DTNA: variants seen among roughly 807,000 people sequenced by gnomAD.
DTNA encodes dystrobrevin alpha, also known as dystrophin-related protein 3.
In DTNA, 43 loss-of-function variants were observed where a neutral mutation model predicts 100.7. The observed-to-expected ratio is 0.43, with a 90% confidence interval of 0.33 to 0.55. The LOEUF is 0.55. DTNA is among the 20% of genes least tolerant of loss of function. DTNA has a pLI of 0.04. For synonymous variants in DTNA, 349 were observed against 347.9 expected, an observed-to-expected ratio of 1.00 and a Z score of -0.04; for missense variants, 798 against 953.9, an observed-to-expected ratio of 0.84 and a Z score of 2.15.
intron 1 of DTNA, among the ~76,000 whole-genome samples, chr18:34,559,901 G>A (rs1044341256): frequency 2.0e-5 from 3 of 152,142 alleles, no homozygotes; most frequent in African/African-American, 7.2e-5. Context: ...AAATTATGAA[G>A]TGCTTGAAAT....
intron 1 of DTNA, among the ~76,000 whole-genome samples, chr18:34,641,909 A>G (rs2059322331): frequency 6.6e-6 from 1 of 152,188 alleles, no homozygotes; most frequent in Admixed American, 6.5e-5. Flanking sequence ...CCAAGAGTTT[A>G]AAAGTAATCC....
intron 3 of DTNA, among the ~76,000 whole-genome samples, chr18:34,766,964 T>C (rs1423203352): frequency 1.3e-5 from 2 of 152,128 alleles, no homozygotes; most frequent in Non-Finnish European, 2.9e-5. Context: ...AGATCACTAG[T>C]AACAATGAGC....
intron 1 of DTNA, among the ~76,000 whole-genome samples, chr18:34,576,711 A>T (rs1024692143): frequency 5.3e-5 from 8 of 152,104 alleles, no homozygotes; most frequent in African/African-American, 1.9e-4. Context: ...TGCCTGCCTC[A>T]GCCTCCCGAA....
intron 1 of DTNA, among the ~76,000 whole-genome samples, chr18:34,725,101 T>C (rs1482533314): frequency 6.6e-6 from 1 of 152,102 alleles, no homozygotes; most frequent in Non-Finnish European, 1.5e-5. Flanking sequence ...TAACTCAAGA[T>C]GGATTAAAGA....
intron 1 of DTNA, among the ~76,000 whole-genome samples, chr18:34,590,436 T>G: frequency 6.6e-6 from 1 of 152,206 alleles, no homozygotes; most frequent in East Asian, 1.9e-4. Context: ...GAATACTGCC[T>G]GTCCTAATCC....
intron 1 of DTNA, among the ~76,000 whole-genome samples, chr18:34,632,121 A>C (rs1372116312): frequency 6.6e-6 from 1 of 152,208 alleles, no homozygotes. Context: ...AATTAAATTA[A>C]TAGAATTTAA....
chr18:34,640,076 T>A (rs1447168501), intron 1 of DTNA, among the ~76,000 whole-genome samples: 1 of 152,236 alleles, frequency 6.6e-6, no homozygotes, highest in Non-Finnish European at 1.5e-5. Flanking sequence ...TGATGCAAAT[T>A]TCTCCTGATC....
intron 5 of DTNA, among the ~76,000 whole-genome samples, chr18:34,810,838 G>A (rs2095472366): frequency 6.6e-6 from 1 of 152,064 alleles, no homozygotes; most frequent in Non-Finnish European, 1.5e-5. Context: ...TTTTTACTCA[G>A]ATAGAATCTC....
At chr18:34,620,652 C>A (rs915528714) in intron 1 of DTNA, among the ~76,000 whole-genome samples, 1 of 152,102 alleles carries the variant, frequency 6.6e-6, no homozygotes, top group Non-Finnish European at 1.5e-5. Flanking sequence ...AGGAAGCAGG[C>A]ACATCTCACA....
chr18:34,552,632 G>T lies in DTNA; in HGVS notation c.-2+59118G>T, dbSNP rs34820845. ...CTATGGTGAGAATATGCAGTGTTTG[G>T]TTTTTTGTTCTTGCGATAGTTTACT... On this transcript the variant is annotated intron_variant, in intron 1 of 19. Coordinates refer to the DTNA transcript ENST00000283365. 3.4e-3 allele frequency among the ~76,000 whole-genome samples: 513 copies of T among 149,978 alleles called. 5 individuals are homozygous for T. Among genetic ancestry groups the T allele is most frequent in the African/African-American group, 0.012 (492 of 40,860 alleles).
rs1302442738 is a variant in DTNA at position 34,888,372 on chromosome 18, G to A, written c.*638G>A. The A allele has an allele frequency of 3.0e-6, 3 of 985,648 alleles. No homozygotes were observed. Among genetic ancestry groups the A allele is most frequent in the Non-Finnish European group, 3.6e-6 (3 of 829,936 alleles). 61.1% of individuals were successfully genotyped at this position (985,648 alleles called of 1,614,324 possible). ...ACTCAGAGCCCGGAAGCCAAGAAGG[G>A]TCCTTGGCCTGCACGGTCTGTAGTT... is the stretch of plus-strand genomic sequence containing the variant. On this transcript the variant is annotated 3_prime_UTR_variant, in exon 23 of 23. Transcript: ENST00000444659.
At chr18:34,863,922 A>G in intron 16 of DTNA, 44 bp from the exon 17 acceptor site, 2 of 1,556,204 alleles carry the variant, frequency 1.3e-6, no homozygotes, top group Non-Finnish European at 1.8e-6. Flanking sequence ...TGATTAGCTC[A>G]GAGAGTTGCA....
At chr18:34,669,786 A>C (rs1283134351) in intron 1 of DTNA, among the ~76,000 whole-genome samples, 3 of 152,200 alleles carry the variant, frequency 2.0e-5, no homozygotes, top group Non-Finnish European at 4.4e-5. Flanking sequence ...GAGTTTCTGC[A>C]GAGAGATCCG....
At chr18:34,885,323 T>C (rs1195119378) in intron 22 of DTNA, among the ~76,000 whole-genome samples, 1 of 152,248 alleles carries the variant, frequency 6.6e-6, no homozygotes, top group Non-Finnish European at 1.5e-5. Flanking sequence ...TTCAAATCCA[T>C]TGTGGAATTC....
At chr18:34,692,742 G>A (rs1174625571) in intron 1 of DTNA, among the ~76,000 whole-genome samples, 2 of 152,196 alleles carry the variant, frequency 1.3e-5, no homozygotes, top group Non-Finnish European at 2.9e-5. Flanking sequence ...CTTCGTTGAT[G>A]TGCACATAAG....
At chr18:34,676,016 C>G (rs1265075230) in intron 1 of DTNA, among the ~76,000 whole-genome samples, 1 of 152,144 alleles carries the variant, frequency 6.6e-6, no homozygotes, top group Non-Finnish European at 1.5e-5. Context: ...AAACATCAGT[C>G]CGAGCATAAA....
chr18:34,683,750 C>A (rs1017565921), intron 1 of DTNA: 3 of 152,240 alleles, frequency 2.0e-5, no homozygotes, highest in African/African-American at 7.2e-5. Context: ...GTTGCCAGTA[C>A]AAGTCTTCCC....
Position 34,838,073 on chromosome 18 carries a change from C to A in DTNA, c.1176-21C>A, listed in dbSNP as rs368417978. The A allele has an allele frequency of 1.3e-5, 21 of 1,612,608 alleles. No homozygotes were observed. The African/African-American group carries it at 2.7e-4, about 21-fold the overall frequency. ...ATTGCCGTGTTTACGCTCTTCTTGG[C>A]TTTCCCATCTTATTAACTAGCTCTC... On this transcript the variant is annotated intron_variant, in intron 11 of 22. Coordinates refer to ENST00000444659, the MANE Select transcript of DTNA (RefSeq NM_001386795.1).
Position 34,790,235 on chromosome 18 carries a change from G to A in DTNA, c.149-3802G>A, listed in dbSNP as rs534984519. ...ATCACAATAGACACAGCCTTGTCCT[G>A]TGCCACATGCAACGCAGAATGGGAA... On this transcript the variant is annotated intron_variant, in intron 3 of 22. Transcript: ENST00000444659. 2.4e-4 allele frequency among the ~76,000 whole-genome samples: 36 copies of A among 152,246 alleles called. 1 individual carries two copies. The East Asian group carries it at 7.0e-3, about 29-fold the overall frequency.
Sources: allele counts gnomAD v4.1 joint callset (sites outside exome capture counted in the v4.1 genomes callset), GRCh38; gene constraint gnomAD v4.1.1; transcripts MANE v1.5; gene names NCBI Gene and HGNC (gene_info 2026-07-23, HGNC 2026-07-21).